KLF12: variants seen among roughly 807,000 people sequenced by gnomAD.
KLF12 encodes Krueppel-like factor 12.
A neutral mutation model predicts 37.8 loss-of-function variants in KLF12; 9 were observed. The ratio of observed to expected loss-of-function variants is 0.24; its 90% CI spans 0.14 to 0.42. KLF12 has a LOEUF of 0.42. Among genes scored for constraint, KLF12 ranks in the 10% least tolerant of loss-of-function variants. The pLI is 1.00. For synonymous variants in KLF12, 208 were observed against 202.1 expected (o/e 1.03, Z -0.25); for missense variants, 411 against 516.0 (o/e 0.80, Z 1.97).
At chr13:74,205,720 A>C in the KLF12 span, among the ~76,000 whole-genome samples, 1 of 152,116 alleles carries the variant, frequency 6.6e-6, no homozygotes, top group Non-Finnish European at 1.5e-5. Flanking sequence ...GAGTCAACCG[A>C]AACAAAGCAG....
chr13:73,908,581 A>C (rs1888423948), intron 3 of KLF12, among the ~76,000 whole-genome samples: 1 of 149,354 alleles, frequency 6.7e-6, no homozygotes, highest in Admixed American at 6.7e-5. Flanking sequence ...CCTGGGTTCA[A>C]GCGATTCTCC....
the KLF12 span, among the ~76,000 whole-genome samples, chr13:74,294,318 G>C: frequency 6.6e-6 from 1 of 152,106 alleles, no homozygotes; most frequent in Non-Finnish European, 1.5e-5. Context: ...TGAAGCACTG[G>C]TTTAGATGAC....
intron 1 of KLF12, among the ~76,000 whole-genome samples, chr13:74,019,468 A>G (rs968727070): frequency 6.6e-6 from 1 of 152,216 alleles, no homozygotes; most frequent in African/African-American, 2.4e-5. Context: ...AGCAGTTTCC[A>G]TTTATGCTGT....
At chr13:74,043,180 G>A (rs987344383) in intron 1 of KLF12, among the ~76,000 whole-genome samples, 2 of 152,170 alleles carry the variant, frequency 1.3e-5, no homozygotes, top group East Asian at 1.9e-4. Flanking sequence ...TGAAGCTTGC[G>A]TAAGTATCCC....
intron 5 of KLF12, among the ~76,000 whole-genome samples, chr13:73,786,757 CA>C (rs10568058): frequency 0.21 from 24,785 of 119,118 alleles, 2,384 homozygotes; most frequent in Middle Eastern, 0.36. Flanking sequence ...ATTACAAATA[CA>C]AAAAAAAAAA....
intron 4 of KLF12, among the ~76,000 whole-genome samples, chr13:73,824,073 T>C (rs553200715): frequency 6.6e-6 from 1 of 152,230 alleles, no homozygotes; most frequent in South Asian, 2.1e-4. Flanking sequence ...CCCTACACCC[T>C]GAACACGTTT....
the KLF12 span, among the ~76,000 whole-genome samples, chr13:74,186,935 G>C: frequency 6.6e-6 from 1 of 152,190 alleles, no homozygotes; most frequent in African/African-American, 2.4e-5. Context: ...CAAGTCTCGT[G>C]CTCTTAATTC....
intron 6 of KLF12, among the ~76,000 whole-genome samples, chr13:73,756,956 C>T (rs959200340): frequency 6.6e-6 from 1 of 152,098 alleles, no homozygotes; most frequent in South Asian, 2.1e-4. Context: ...TATAACCTAC[C>T]TTATGTCCTG....
At chr13:73,774,272 CTA>C (rs200194480) in intron 5 of KLF12, among the ~76,000 whole-genome samples, 10,151 of 125,118 alleles carry the variant, frequency 0.081, 386 homozygotes, top group African/African-American at 0.14. Flanking sequence ...CATATACAAA[CTA>C]TATATATATA....
At chr13:74,181,181 G>T in the KLF12 span, among the ~76,000 whole-genome samples, 1 of 151,138 alleles carries the variant, frequency 6.6e-6, no homozygotes, top group African/African-American at 2.4e-5. Flanking sequence ...TGTATTTTTA[G>T]TAGAGACGGG....
At chr13:74,174,335 C>CT in the KLF12 span, among the ~76,000 whole-genome samples, 20,121 of 133,028 alleles carry the variant, frequency 0.15, 2,001 homozygotes, top group African/African-American at 0.28. Context: ...TCTTTCTTTT[C>CT]TTTTTTTTTT....
chr13:74,211,461 C>T, the KLF12 span, among the ~76,000 whole-genome samples: 1,792 of 152,112 alleles, frequency 0.012, 42 homozygotes, highest in African/African-American at 0.041. Context: ...TCTAAGTGGA[C>T]GAACCACATG....
At chr13:74,038,808 C>G (rs1363386676) in intron 1 of KLF12, among the ~76,000 whole-genome samples, 2 of 151,940 alleles carry the variant, frequency 1.3e-5, no homozygotes, top group Non-Finnish European at 2.9e-5. Flanking sequence ...CTTTTAAATT[C>G]CTTTTTAAGA....
intron 3 of KLF12, among the ~76,000 whole-genome samples, chr13:73,856,241 C>T (rs1353329016): frequency 6.6e-6 from 1 of 152,232 alleles, no homozygotes; most frequent in African/African-American, 2.4e-5. Context: ...CCGCCAGCCA[C>T]AGCTTCTGCT....
intron 3 of KLF12, among the ~76,000 whole-genome samples, chr13:73,936,262 C>T (rs1889920715): frequency 6.6e-6 from 1 of 152,136 alleles, no homozygotes. Flanking sequence ...AGCTGAGTGA[C>T]TTGCAGATCA....
the KLF12 span, among the ~76,000 whole-genome samples, chr13:74,288,886 A>G: frequency 6.6e-6 from 1 of 152,080 alleles, no homozygotes; most frequent in Admixed American, 6.5e-5. Context: ...CCTGCTCCCC[A>G]CTGGTCAACA....
chr13:74,120,520 AATTT>A (rs1286586600), intron 1 of KLF12, among the ~76,000 whole-genome samples: 4 of 152,112 alleles, frequency 2.6e-5, no homozygotes, highest in African/African-American at 7.2e-5. Context: ...GTAAAGAAAG[AATTT>A]ATTTAGGTAA....
At chr13:73,863,725 G>C (rs1275019340) in intron 3 of KLF12, among the ~76,000 whole-genome samples, 1 of 152,070 alleles carries the variant, frequency 6.6e-6, no homozygotes, top group African/African-American at 2.4e-5. Flanking sequence ...GCAAATACTA[G>C]AGATGCACAG....
At chr13:74,273,375 A>T in the KLF12 span, among the ~76,000 whole-genome samples, 4 of 151,608 alleles carry the variant, frequency 2.6e-5, no homozygotes, top group Admixed American at 6.6e-5. Context: ...TGGTAAGTGT[A>T]TCTGTGCTGC....
Sources: allele counts gnomAD v4.1 joint callset (sites outside exome capture counted in the v4.1 genomes callset), GRCh38; gene constraint gnomAD v4.1.1; transcripts MANE v1.5; gene names NCBI Gene and HGNC (gene_info 2026-07-23, HGNC 2026-07-21).